Variants in BSN observed in about 807,000 individuals in gnomAD.
BSN encodes the protein protein bassoon.
BSN carries 57 observed loss-of-function variants against 264.8 expected under a neutral mutation model. That is an observed-to-expected ratio of 0.22 (90% CI 0.17 to 0.27). The LOEUF (loss-of-function observed/expected upper bound fraction) is 0.27. BSN is among the 10% of genes least tolerant of loss of function. The pLI is 1.00. For missense variants in BSN, 4,615 were observed against 5,232.5 expected, an observed-to-expected ratio of 0.88 and a Z score of 3.64; for synonymous variants, 2,059 against 2,137.3, an observed-to-expected ratio of 0.96 and a Z score of 1.01.
At chr3:49,649,184 G>C (rs1245431405) in intron 3 of BSN, among the ~76,000 whole-genome samples, 3 of 152,250 alleles carry the variant, frequency 2.0e-5, no homozygotes, top group Non-Finnish European at 4.4e-5. Flanking sequence ...AAGGCTGCCA[G>C]AGGCAGCATG....
Position 49,664,523 on chromosome 3 carries a change from G to A in BSN, c.11709G>A (p.Gly3903=). Residue 3903 remains glycine (G), a synonymous_variant, in exon 9 of 12, where the codon GGG becomes GGA. Coordinates refer to ENST00000296452, the MANE Select transcript of BSN (RefSeq NM_003458.4). ...ESVFSKILPG[G]AAEQAGKLTE... is the part of the protein sequence containing the mutation. Reference sequence around the variant, plus strand: ...TGTTCTCCAAGATCCTCCCTGGCGGGGCAGCCGAGCAAGCTGGCAAACTGA... The same window carrying A: ...TGTTCTCCAAGATCCTCCCTGGCGGAGCAGCCGAGCAAGCTGGCAAACTGA... The A allele has an allele frequency of 6.2e-7, 1 of 1,610,496 alleles. No homozygotes were observed. The highest frequency in any genetic ancestry group is 8.5e-7 in the Non-Finnish European group (1 of 1,178,426).
rs1489265031 is a variant in BSN at position 49,661,634 on chromosome 3, G to A, written c.9789G>A (p.Gly3263=). ...RLEPLGPGSS[G]RPGKEPGEPG... ...AGCCCCTGGGGCCAGGCAGCAGTGG[G>A]CGTCCAGGGAAGGAGCCTGGAGAAC... The change falls in exon 6 of 12, where the codon GGG becomes GGA. Residue 3263 remains glycine (G), a synonymous_variant. Transcript: ENST00000296452. 4.3e-6 allele frequency: 7 copies of A among 1,613,478 alleles called. No homozygotes were observed. Among genetic ancestry groups the A allele is most frequent in the Non-Finnish European group, 5.1e-6 (6 of 1,180,046 alleles).
At chr3:49,582,129 A>G (rs937982452) in intron 1 of BSN, among the ~76,000 whole-genome samples, 5 of 151,750 alleles carry the variant, frequency 3.3e-5, no homozygotes, top group Admixed American at 1.3e-4. Flanking sequence ...GAGGGTTCCA[A>G]TTTTTCCACG....
At chr3:49,582,912 C>T (rs905298061) in intron 1 of BSN, among the ~76,000 whole-genome samples, 1 of 151,644 alleles carries the variant, frequency 6.6e-6, no homozygotes, top group Non-Finnish European at 1.5e-5. Context: ...CATATAGTTT[C>T]TTCCCTTCAT....
intron 3 of BSN, 54 bp downstream of exon 3, chr3:49,643,206 G>C (rs2052480213): frequency 6.5e-7 from 1 of 1,542,784 alleles, no homozygotes; most frequent in Admixed American, 1.9e-5. Flanking sequence ...GCCGGGCCTG[G>C]GTAGTGAGTG....
At position 49,638,828 on chromosome 3, in the gene BSN, T is replaced by C. The variant is rs1290844967; in HGVS notation, c.634-3440T>C. The stretch of plus-strand genomic sequence containing the variant: ...CCCCAAAGTTGCAGGATAAGAAGCC[T>C]TACCTCCTAAATTCCCTTTCCCAGG... On this transcript the variant is annotated intron_variant, in intron 2 of 11. Transcript: ENST00000296452. This position sits in a 1 kb window ranked among gnomAD's most constrained non-coding sequence, Gnocchi z 4.3. 1.3e-5 allele frequency among the ~76,000 whole-genome samples: 2 copies of C among 152,130 alleles called. No homozygotes were observed. Among genetic ancestry groups the C allele is most frequent in the Non-Finnish European group, 2.9e-5 (2 of 68,002 alleles).
chr3:49,582,635 T>A (rs1575428800), intron 1 of BSN, among the ~76,000 whole-genome samples: 1 of 152,216 alleles, frequency 6.6e-6, no homozygotes, highest in East Asian at 1.9e-4. Context: ...TTATTTATTT[T>A]TTTTCTTGCC....
In BSN at chr3:49,654,866, C is replaced by T; in HGVS notation, c.5310C>T (p.Cys1770=). 1 of 1,613,484 alleles carries T rather than the reference C, an allele frequency of 6.2e-7. No individual in the cohort carries two copies. Among genetic ancestry groups the T allele is most frequent in the Non-Finnish European group, 8.5e-7 (1 of 1,179,984 alleles). Residue 1770 remains cysteine (C), a synonymous_variant, in exon 5 of 12, where the codon TGC becomes TGT. Transcript: ENST00000296452. This position sits in a 1 kb window ranked among gnomAD's most constrained non-coding sequence, Gnocchi z 4.1. ...GCCAGGGTGGGGGTAGCCCTGTGTGCCTGGCCCAGGTCAAACAAGTAGAGC... is the reference window on the plus strand; with the variant it reads ...GCCAGGGTGGGGGTAGCCCTGTGTGTCTGGCCCAGGTCAAACAAGTAGAGC... ...DFGQGGGSPV[C]LAQVKQVEQA...
At position 49,650,935 on chromosome 3, in the gene BSN, T is replaced by G. The variant is rs771818501; in HGVS notation, c.1842T>G (p.Thr614=). 2 of 1,613,926 alleles carry G rather than the reference T, an allele frequency of 1.2e-6. No homozygotes were observed. Among genetic ancestry groups the G allele is most frequent in the African/African-American group, 2.7e-5 (2 of 74,876 alleles). ...SVQEKKTRVP[T]KAEPMPKPPP... The stretch of plus-strand genomic sequence containing the variant: ...AGGAAAAGAAGACCCGAGTCCCCAC[T>G]AAAGCTGAGCCCATGCCGAAGCCAC... Residue 614 remains threonine, a synonymous_variant, in exon 4 of 12, where the codon ACT becomes ACG. Transcript: ENST00000296452.
Position 49,617,278 on chromosome 3 carries a change from AT to A in BSN, c.225-7696del, listed in dbSNP as rs1167230671. Among the ~76,000 whole-genome samples the A allele has an allele frequency of 4.2e-4, 28 of 66,150 alleles. 1 individual carries two copies. The highest frequency in any genetic ancestry group is 1.1e-3 in the Admixed American group (9 of 8,210). 43.4% of individuals were successfully genotyped at this position (66,150 alleles called of 152,430 possible). A position where few individuals can be genotyped will look rare whatever the true frequency, so the allele number is the denominator to read the frequency against. On this transcript the variant is annotated intron_variant, in intron 1 of 11. Coordinates refer to ENST00000296452, the MANE Select transcript of BSN (RefSeq NM_003458.4). ...AACTTAAAGTAAAATAAAAAATAAA[AT>A]ACATTATATATATATATATATATAT...
intron 7 of BSN, 46 bp downstream of exon 7, chr3:49,663,712 T>A (rs761142551): frequency 6.2e-7 from 1 of 1,607,132 alleles, no homozygotes; most frequent in African/African-American, 1.3e-5. Flanking sequence ...GAAGATGCTA[T>A]GAATGAAGCT....
intron 1 of BSN, among the ~76,000 whole-genome samples, chr3:49,590,590 C>T (rs2051970715): frequency 1.3e-5 from 2 of 152,036 alleles, no homozygotes; most frequent in African/African-American, 4.8e-5. Context: ...TTATCACAAT[C>T]TACTTCAAAT....
At chr3:49,636,887 A>T (rs2052424125) in intron 2 of BSN, among the ~76,000 whole-genome samples, 1 of 152,184 alleles carries the variant, frequency 6.6e-6, no homozygotes, top group South Asian at 2.1e-4. Flanking sequence ...CTCAGCTGCC[A>T]CCTTAGCTGC....
chr3:49,653,382 C>T lies in BSN; in HGVS notation c.3826C>T (p.Arg1276Ter). Residue 1276 changes from arginine to a stop codon, truncating the protein, a stop_gained, in exon 5 of 12, where the codon CGA (arginine) becomes TGA (stop). Coordinates refer to ENST00000296452, the MANE Select transcript of BSN (RefSeq NM_003458.4). LOFTEE classifies it high-confidence loss of function. The surrounding 1 kb of genome is among the most constrained non-coding windows in gnomAD (Gnocchi z 6.3). ...AGTCCGCATGCGGCAGGCCTCCTCA[C>T]GAGACCTGGCTTTTGCTGAGGACAA... ...SIVRMRQASS[R>*]DLAFAEDKKK... is the part of the protein sequence containing the mutation. The T allele has an allele frequency of 1.9e-6, 3 of 1,613,630 alleles. No individual in the cohort carries two copies. Among genetic ancestry groups the T allele is most frequent in the Non-Finnish European group, 2.5e-6 (3 of 1,179,890 alleles).
chr3:49,665,155 T>G, intron 10 of BSN, 74 bp from the exon 11 acceptor site: 1 of 299,772 alleles, frequency 3.3e-6, no homozygotes, highest in East Asian at 6.7e-5. Flanking sequence ...CTCACAGCAC[T>G]GGGCTGGCAC....
Position 49,661,470 on chromosome 3 carries a change from A to G in BSN, c.9625A>G (p.Ser3209Gly). 6.2e-7 allele frequency: 1 copy of G among 1,613,074 alleles called. No homozygotes were observed. The highest frequency in any genetic ancestry group is 8.5e-7 in the Non-Finnish European group (1 of 1,179,790). ...TGGTGACCGTGGCAGTGTGAGCCAG[A>G]GCCCAGCCCCCACCTACCCCTCTGA... ...RAGDRGSVSQ[S>G]PAPTYPSDSH... The change falls in exon 6 of 12, where the codon AGC becomes GGC. Residue 3209 changes from serine to glycine, a missense_variant. Around this residue, in one of 3 missense-constraint regions of BSN, gnomAD observed 3,415 missense variants for 3,866.4 expected, o/e 0.88. Transcript: ENST00000296452.
intron 1 of BSN, among the ~76,000 whole-genome samples, chr3:49,589,567 C>G (rs375724546): frequency 6.8e-6 from 1 of 146,338 alleles, no homozygotes; most frequent in Admixed American, 7.0e-5. Flanking sequence ...AGTGCAGTTG[C>G]GCAATCTCAG....
chr3:49,665,072 C>A (rs1172529050), intron 10 of BSN, among the ~76,000 whole-genome samples, 157 bp from the exon 11 acceptor site: 2 of 152,138 alleles, frequency 1.3e-5, no homozygotes, highest in East Asian at 1.9e-4. Context: ...CAGTAGGGGT[C>A]CCCAGCAAAG....
At chr3:49,613,298 C>CCG (rs2052222903) in intron 1 of BSN, among the ~76,000 whole-genome samples, 1 of 25,664 alleles carries the variant, frequency 3.9e-5, no homozygotes, top group African/African-American at 1.0e-4. Flanking sequence ...TATACACACA[C>CCG]AGAGCGAGAG....
Sources: allele counts gnomAD v4.1 joint callset (sites outside exome capture counted in the v4.1 genomes callset), GRCh38; gene constraint gnomAD v4.1.1; regional missense constraint gnomAD v4.1.1; non-coding constraint Gnocchi (gnomAD v3.1); transcripts MANE v1.5; gene names NCBI Gene and HGNC (gene_info 2026-07-23, HGNC 2026-07-21).